The following AMACR variants were observed in gnomAD, a reference collection of about 807,000 sequenced individuals.
The protein encoded by AMACR is alpha-methylacyl-CoA racemase.
AMACR carries 18 observed loss-of-function variants against 22.2 expected under a neutral mutation model. The ratio of observed to expected loss-of-function variants is 0.81; its 90% CI spans 0.56 to 1.20. The LOEUF (loss-of-function observed/expected upper bound fraction) is 1.20. Ranked by LOEUF, AMACR falls within the 50% of genes most tolerant of loss-of-function variation. AMACR has a pLI of 0.00. For missense variants in AMACR, 499 were observed against 490.6 expected, an observed-to-expected ratio of 1.02 and a Z score of -0.16; for synonymous variants, 213 against 191.3, an observed-to-expected ratio of 1.11 and a Z score of -0.94.
chr5:33,991,181 T>C (rs1158351365), intron 4 of AMACR, among the ~76,000 whole-genome samples: 2 of 152,220 alleles, frequency 1.3e-5, no homozygotes, highest in Non-Finnish European at 2.9e-5. Flanking sequence ...TCATAGTTTG[T>C]ATGCTAGAAA....
At chr5:33,999,921 T>TAC (rs752099704) in intron 3 of AMACR, among the ~76,000 whole-genome samples, 16 of 152,130 alleles carry the variant, frequency 1.1e-4, no homozygotes, top group East Asian at 3.9e-4. Flanking sequence ...TTTATACACA[T>TAC]ACACACACAC....
Position 34,007,770 on chromosome 5 carries a change from C to T in AMACR, c.247+3G>A. The T allele has an allele frequency of 6.4e-7, 1 of 1,550,414 alleles. No individual in the cohort carries two copies. The highest frequency in any genetic ancestry group is 8.7e-7 in the Non-Finnish European group (1 of 1,154,346). On this transcript the variant is annotated splice_donor_region_variant and intron_variant, in intron 1 of 4. Transcript: ENST00000335606. ...GAGAGCAGCCCGCGGGGCCCGGGCT[C>T]ACCGCGGCGGAAGGGCTCCAGCAGC...
chr5:33,989,616 T>TTC, intron 4 of AMACR, 114 bp from the exon 5 acceptor site: 3 of 880,054 alleles, frequency 3.4e-6, no homozygotes, highest in Middle Eastern at 2.4e-4. Context: ...CTATAAGGGC[T>TTC]TCTCAAATGA....
chr5:33,997,319 T>G (rs1220420784), intron 4 of AMACR: 3 of 773,842 alleles, frequency 3.9e-6, no homozygotes, highest in Admixed American at 3.4e-5. Flanking sequence ...GCAGCCTGAG[T>G]GTAACATAAA....
chr5:34,006,320 T>A (rs1753976766), intron 1 of AMACR, among the ~76,000 whole-genome samples: 1 of 152,206 alleles, frequency 6.6e-6, no homozygotes, highest in Admixed American at 6.5e-5. Context: ...ACCTGATGTT[T>A]CCACAGGCGC....
chr5:33,987,030 TATTTA>T lies in AMACR; in HGVS notation c.*2058_*2062del, dbSNP rs2112027248. 6.6e-6 allele frequency: 1 copy of T among 152,222 alleles called. No individual in the cohort carries two copies. The highest frequency in any genetic ancestry group is 2.4e-5 in the African/African-American group (1 of 41,542). The allele number at this position is 152,222 out of a possible 1,614,324, so 9.4% of individuals were successfully genotyped here. A position where few individuals can be genotyped will look rare whatever the true frequency, so the allele number is the denominator to read the frequency against. The stretch of plus-strand genomic sequence containing the variant: ...TTTATTATTATTATTTTTATTTATT[TATTTA>T]GAGACAGGTTCTTGTTCTGTTGCCT... On this transcript the variant is annotated 3_prime_UTR_variant, in exon 5 of 5. Transcript: ENST00000335606.
chr5:34,006,612 C>T (rs1753987059), intron 1 of AMACR, among the ~76,000 whole-genome samples: 2 of 152,220 alleles, frequency 1.3e-5, no homozygotes, highest in African/African-American at 4.8e-5. Context: ...GAGGCTATAT[C>T]CGTATTCCCA....
chr5:34,006,713 A>T (rs909975723), intron 1 of AMACR, among the ~76,000 whole-genome samples: 1 of 152,266 alleles, frequency 6.6e-6, no homozygotes, highest in African/African-American at 2.4e-5. Flanking sequence ...TTAATTATTA[A>T]ATCATTATTG....
rs1265399818 is a variant in AMACR, at chr5:33,987,005, TTTATTA to T, written c.*2082_*2087del. 6.6e-6 allele frequency: 1 copy of T among 151,990 alleles called. No individual in the cohort carries two copies. The highest frequency in any genetic ancestry group is 1.5e-5 in the Non-Finnish European group (1 of 68,004). The allele number at this position is 151,990 out of a possible 1,614,324, so 9.4% of individuals were successfully genotyped here. On this transcript the variant is annotated 3_prime_UTR_variant, in exon 5 of 5. Coordinates refer to ENST00000335606, the MANE Select transcript of AMACR (RefSeq NM_014324.6). ...TCTGAGTTGTAGGGAAAACATCTTT[TTTATTA>T]TTATTATTTTTATTTATTTATTTAG...
At chr5:34,000,834 C>A (rs1316858229) in intron 3 of AMACR, among the ~76,000 whole-genome samples, 1 of 152,084 alleles carries the variant, frequency 6.6e-6, no homozygotes, top group African/African-American at 2.4e-5. Flanking sequence ...GTTGGTCTGA[C>A]AAAATAATAT....
chr5:34,004,469 CA>C lies in AMACR; in HGVS notation c.552+104del, dbSNP rs563361766. On this transcript the variant is annotated intron_variant, in intron 3 of 4. Coordinates refer to ENST00000335606, the MANE Select transcript of AMACR (RefSeq NM_014324.6). The stretch of plus-strand genomic sequence containing the variant: ...TCCTTGGTAACCTGGCTTGAAACTT[CA>C]AATGTCATTTATCTCTTGTCTTCTT... 4.4e-4 allele frequency: 662 copies of C among 1,489,236 alleles called. 17 individuals are homozygous for C. The East Asian group carries it at 0.013, about 30-fold the overall frequency. 92.3% of individuals were successfully genotyped at this position (1,489,236 alleles called of 1,614,324 possible).
intron 3 of AMACR, among the ~76,000 whole-genome samples, chr5:33,999,818 A>ATG (rs1753757897): frequency 6.6e-6 from 1 of 152,174 alleles, no homozygotes; most frequent in Non-Finnish European, 1.5e-5. Context: ...TATGGCTGTG[A>ATG]CATTTATTGT....
Position 33,989,194 on chromosome 5 carries a change from T to A in AMACR, c.1048A>T (p.Thr350Ser). Residue 350 changes from threonine to serine, a missense_variant, in exon 5 of 5, where the codon ACT becomes TCT. Thr to Ser is a moderately conservative substitution (Grantham distance 58, BLOSUM62 1). Transcript: ENST00000335606. The stretch of plus-strand genomic sequence containing the variant: ...CCAAATTCTTCAAGTATCTCCTCAG[T>A]GTGTTCTCCTATGAAAGGATCCCTT... ...FKRDPFIGEH[T>S]EEILEEFGFS... is the part of the protein sequence containing the mutation. 6.2e-7 allele frequency: 1 copy of A among 1,614,210 alleles called. No individual in the cohort carries two copies. The highest frequency in any genetic ancestry group is 1.7e-5 in the Admixed American group (1 of 60,022).
rs1383464867 is a variant in AMACR, at chr5:33,986,872, C to A, written c.*2221G>T. The A allele has an allele frequency of 1.3e-5, 2 of 152,200 alleles. No homozygotes were observed. Among genetic ancestry groups the A allele is most frequent in the Non-Finnish European group, 2.9e-5 (2 of 68,040 alleles). The allele number at this position is 152,200 out of a possible 1,614,324, so 9.4% of individuals were successfully genotyped here. A position where few individuals can be genotyped will look rare whatever the true frequency, so the allele number is the denominator to read the frequency against. On this transcript the variant is annotated 3_prime_UTR_variant, in exon 5 of 5. Transcript: ENST00000335606. ...CAGGGTTGCCTCACTATCTTCTGGG[C>A]TTCTCTGCTCTTTCGTCACCAGTGG...
At position 34,005,767 on chromosome 5, in the gene AMACR, A is replaced by G; in HGVS notation, c.380T>C (p.Leu127Ser). The G allele has an allele frequency of 1.2e-6, 2 of 1,614,174 alleles. No homozygotes were observed. Among genetic ancestry groups the G allele is most frequent in the Non-Finnish European group, 1.7e-6 (2 of 1,180,050 alleles). The change falls in exon 2 of 5, where the codon TTG (leucine) becomes TCG (serine). Residue 127 changes from leucine (L) to serine (S), a missense_variant. Leu to Ser is a moderately radical substitution (Grantham distance 145). Transcript: ENST00000335606. The part of the protein sequence containing the change: ...CRLAGHDINY[L>S]ALSGVLSKIG... ...TTTTTTCAACATACCTGACAAAGCC[A>G]AATAGTTGATATCGTGGCCAGCTAA...
chr5:33,992,722 T>C (rs1409673475), intron 4 of AMACR, among the ~76,000 whole-genome samples: 1 of 152,036 alleles, frequency 6.6e-6, no homozygotes, highest in African/African-American at 2.4e-5. Flanking sequence ...AAAAATAAAA[T>C]AGAATAGAAT....
chr5:34,004,674 G>A lies in AMACR; in HGVS notation c.452C>T (p.Ala151Val), dbSNP rs1753917439. ...ENPYAPLNLLADFAGGGLMCA... is the reference protein window; with the variant it reads ...ENPYAPLNLLVDFAGGGLMCA... ...CATAAGGCCACCACCAGCAAAGTCA[G>A]CCAGGAGATTCAGCGGGGCATACGG... Residue 151 changes from alanine to valine, a missense_variant, in exon 3 of 5, where the codon GCT (alanine) becomes GTT (valine). Coordinates refer to ENST00000335606, the MANE Select transcript of AMACR (RefSeq NM_014324.6). 1.9e-6 allele frequency: 3 copies of A among 1,614,196 alleles called. No individual in the cohort carries two copies. The African/African-American group carries it at 4.0e-5, about 22-fold the overall frequency.
chr5:34,005,691 T>G, intron 2 of AMACR, 65 bp downstream of exon 2: 1 of 1,579,546 alleles, frequency 6.3e-7, no homozygotes, highest in Non-Finnish European at 8.6e-7. Flanking sequence ...TTATTGTTAA[T>G]CAACATACCT....
At chr5:34,002,584 G>T (rs1157937742) in intron 3 of AMACR, among the ~76,000 whole-genome samples, 1 of 152,264 alleles carries the variant, frequency 6.6e-6, no homozygotes, top group East Asian at 1.9e-4. Flanking sequence ...CAGTGCTTCG[G>T]ACCCTTTCCC....
Sources: gnomAD v4.1 joint callset for allele counts (sites outside exome capture counted in the v4.1 genomes callset) on GRCh38, gnomAD v4.1.1 for gene constraint, MANE v1.5 for transcripts, NCBI Gene and HGNC (gene_info 2026-07-23, HGNC 2026-07-21) for gene names.